WDPCP: variants seen among roughly 807,000 people sequenced by gnomAD.
The protein encoded by WDPCP is WD repeat containing planar cell polarity effector.
WDPCP carries 71 observed loss-of-function variants against 93.1 expected under a neutral mutation model. The ratio of observed to expected loss-of-function variants is 0.76; its 90% CI spans 0.63 to 0.93. The LOEUF (loss-of-function observed/expected upper bound fraction) is 0.93. WDPCP is among the 40% of genes least tolerant of loss of function. The probability of loss-of-function intolerance (pLI) is 0.00; values close to 1 mark genes in which losing one functional copy is unlikely to be tolerated. For missense variants in WDPCP, 844 were observed against 887.4 expected (o/e 0.95, Z 0.62); for synonymous variants, 315 against 315.0 (o/e 1.00, Z 0.00).
chr2:63,543,270 T>C (rs1486788488), intron 1 of WDPCP, among the ~76,000 whole-genome samples: 2 of 152,112 alleles, frequency 1.3e-5, no homozygotes, highest in Non-Finnish European at 2.9e-5. Context: ...AATACACATA[T>C]AGTTTGTGTA....
At chr2:63,630,740 G>A (rs1709856326) in intron 3 of WDPCP, among the ~76,000 whole-genome samples, 1 of 152,182 alleles carries the variant, frequency 6.6e-6, no homozygotes. Flanking sequence ...GTAAGCTACA[G>A]AAGAACTCAA....
At chr2:63,508,172 G>A (rs554802445) in intron 1 of WDPCP, among the ~76,000 whole-genome samples, 80 of 152,244 alleles carry the variant, frequency 5.3e-4, no homozygotes, top group African/African-American at 1.9e-3. Flanking sequence ...AAAACGTTAA[G>A]GGAAGCCAAA....
At chr2:63,412,991 C>T (rs1294392027) in intron 9 of WDPCP, among the ~76,000 whole-genome samples, 1 of 152,146 alleles carries the variant, frequency 6.6e-6, no homozygotes, top group Non-Finnish European at 1.5e-5. Context: ...CAAAATACCA[C>T]CATCATTCTT....
intron 2 of WDPCP, among the ~76,000 whole-genome samples, chr2:63,673,160 T>C (rs1015835561): frequency 6.6e-6 from 1 of 152,150 alleles, no homozygotes; most frequent in Non-Finnish European, 1.5e-5. Context: ...AAGTGCTTGA[T>C]AAATGTACAA....
At chr2:63,625,697 C>A (rs1294710513) in intron 3 of WDPCP, among the ~76,000 whole-genome samples, 1 of 152,092 alleles carries the variant, frequency 6.6e-6, no homozygotes, top group Non-Finnish European at 1.5e-5. Flanking sequence ...AGAACACAAA[C>A]AAATGGAAAA....
chr2:63,535,132 T>C (rs1235802402), intron 1 of WDPCP, among the ~76,000 whole-genome samples: 1 of 151,938 alleles, frequency 6.6e-6, no homozygotes, highest in Non-Finnish European at 1.5e-5. Context: ...GAGAATAAAA[T>C]ACCTAGGAAT....
chr2:63,789,247 A>G (rs77953305), intron 2 of WDPCP, among the ~76,000 whole-genome samples: 1 of 152,254 alleles, frequency 6.6e-6, no homozygotes, highest in African/African-American at 2.4e-5. Context: ...TTGAAAACTT[A>G]AATTTGTCAC....
intron 12 of WDPCP, among the ~76,000 whole-genome samples, chr2:63,316,893 C>T (rs766234017): frequency 1.3e-5 from 2 of 152,044 alleles, no homozygotes; most frequent in Non-Finnish European, 2.9e-5. Context: ...CATTTCTATA[C>T]ACCAATAATG....
intron 14 of WDPCP, among the ~76,000 whole-genome samples, chr2:63,194,135 A>C (rs557398648): frequency 6.6e-6 from 1 of 152,268 alleles, no homozygotes; most frequent in South Asian, 2.1e-4. Context: ...TTCTACCTTC[A>C]AGTTCACTTA....
At chr2:63,365,226 T>C (rs1314748081) in intron 12 of WDPCP, among the ~76,000 whole-genome samples, 1 of 152,132 alleles carries the variant, frequency 6.6e-6, no homozygotes, top group Non-Finnish European at 1.5e-5. Context: ...TCAATGTAGG[T>C]AATGTGCTGA....
chr2:63,399,771 G>A (rs890418236), intron 10 of WDPCP, among the ~76,000 whole-genome samples: 1 of 151,958 alleles, frequency 6.6e-6, no homozygotes, highest in African/African-American at 2.4e-5. Context: ...AAGTATAACT[G>A]GATTATCTCG....
chr2:63,276,057 C>G (rs1334543929), intron 13 of WDPCP, among the ~76,000 whole-genome samples: 3 of 152,196 alleles, frequency 2.0e-5, no homozygotes, highest in Non-Finnish European at 4.4e-5. Context: ...TCAAAGGACT[C>G]TTTGCAGACA....
intron 6 of WDPCP, among the ~76,000 whole-genome samples, chr2:63,476,486 G>A (rs1452840629): frequency 6.6e-6 from 1 of 152,074 alleles, no homozygotes; most frequent in Non-Finnish European, 1.5e-5. Flanking sequence ...CCACAAATTT[G>A]TTCTTATTTT....
intron 14 of WDPCP, among the ~76,000 whole-genome samples, chr2:63,222,755 G>GTCTT: frequency 6.6e-6 from 1 of 152,154 alleles, no homozygotes; most frequent in East Asian, 1.9e-4. Flanking sequence ...AATAATTTAT[G>GTCTT]TCTTTTAGTA....
upstream of WDPCP, chr2:63,588,536 A>ATCCAGCT: frequency 3.4e-6 from 2 of 592,710 alleles, no homozygotes; most frequent in South Asian, 3.9e-5. Flanking sequence ...TTCCGGGTCG[A>ATCCAGCT]TCCAGCTTTA....
intron 2 of WDPCP, among the ~76,000 whole-genome samples, chr2:63,718,674 C>T (rs1669371509): frequency 6.6e-6 from 1 of 152,048 alleles, no homozygotes; most frequent in Non-Finnish European, 1.5e-5. Context: ...GCATTCTTTG[C>T]AAATATTTTC....
At chr2:63,487,629 C>A in intron 2 of WDPCP, 135 bp from the exon 3 acceptor site, 2 of 604,328 alleles carry the variant, frequency 3.3e-6, no homozygotes. Context: ...AATAAAATGG[C>A]TCAAAAGCAT....
intron 6 of WDPCP, among the ~76,000 whole-genome samples, chr2:63,444,061 T>C (rs1697676678): frequency 6.6e-6 from 1 of 152,094 alleles, no homozygotes; most frequent in Non-Finnish European, 1.5e-5. Flanking sequence ...TCATCAACAA[T>C]ACAAAGGTAG....
intron 6 of WDPCP, among the ~76,000 whole-genome samples, chr2:63,451,268 A>G (rs1698227546): frequency 1.3e-5 from 2 of 152,026 alleles, no homozygotes; most frequent in Non-Finnish European, 2.9e-5. Context: ...CAGAACTTGA[A>G]GAAGGGACTT....
Sources: gnomAD v4.1 joint callset for allele counts (sites outside exome capture counted in the v4.1 genomes callset) on GRCh38, gnomAD v4.1.1 for gene constraint, MANE v1.5 for transcripts, NCBI Gene and HGNC (gene_info 2026-07-23, HGNC 2026-07-21) for gene names.